The following MSI2 variants were observed in gnomAD, a reference collection of about 807,000 sequenced individuals.
MSI2 encodes the protein RNA-binding protein Musashi homolog 2.
A neutral mutation model predicts 45.6 loss-of-function variants in MSI2; 17 were observed. The ratio of observed to expected loss-of-function variants is 0.37; its 90% CI spans 0.26 to 0.56. The LOEUF is 0.56. MSI2 is among the 20% of genes least tolerant of loss of function. The pLI is 0.77. For synonymous variants in MSI2, 156 were observed against 158.2 expected (o/e 0.99, Z 0.11); for missense variants, 293 against 444.2 (o/e 0.66, Z 3.06).
At chr17:57,617,559 C>T (rs1406122731) in intron 9 of MSI2, among the ~76,000 whole-genome samples, 4 of 152,150 alleles carry the variant, frequency 2.6e-5, no homozygotes, top group Non-Finnish European at 5.9e-5. Flanking sequence ...CTTAGCTCCT[C>T]CTTTAAAAAA....
At chr17:57,502,602 G>GAT (rs57142800) in intron 6 of MSI2, among the ~76,000 whole-genome samples, 9,379 of 54,012 alleles carry the variant, frequency 0.17, 1,181 homozygotes, top group East Asian at 0.27. Context: ...ATGACTCTGA[G>GAT]ATATATATAT....
intron 5 of MSI2, among the ~76,000 whole-genome samples, chr17:57,324,260 G>A (rs550550325): frequency 2.4e-4 from 36 of 152,328 alleles, no homozygotes; most frequent in Middle Eastern, 3.4e-3. Context: ...GCGCCCCGCC[G>A]GAGCCCACAC....
rs375931489 is a variant in MSI2, at chr17:57,401,411, C to G, written c.345C>G (p.Gly115=). The change falls in exon 6 of 14, where the codon GGC becomes GGG. Residue 115 remains glycine (G), a synonymous_variant. Transcript: ENST00000284073. The stretch of plus-strand genomic sequence containing the variant: ...CAAGAACAAAGAAAATATTTGTAGG[C>G]GGGTTATCTGCGAACACAGTAGTGG... ...MVTRTKKIFV[G]GLSANTVVED... is the part of the protein sequence containing the mutation. The G allele has an allele frequency of 1.2e-6, 2 of 1,614,066 alleles. No individual in the cohort carries two copies. Among genetic ancestry groups the G allele is most frequent in the East Asian group, 4.5e-5 (2 of 44,884 alleles).
intron 4 of MSI2, chr17:57,260,199 G>A (rs1055009168): frequency 6.6e-6 from 1 of 152,120 alleles, no homozygotes; most frequent in Non-Finnish European, 1.5e-5. Flanking sequence ...ATAGTTGACA[G>A]GGATGTGCAA....
chr17:57,590,874 C>G (rs1236121615), intron 7 of MSI2, among the ~76,000 whole-genome samples: 2 of 152,198 alleles, frequency 1.3e-5, no homozygotes, highest in East Asian at 1.9e-4. Flanking sequence ...TGGGTCTCCT[C>G]TCCATCCTGG....
In MSI2 at chr17:57,616,033, C is replaced by A. The variant is rs772246662; in HGVS notation, c.601C>A (p.Arg201=). 4.3e-6 allele frequency: 7 copies of A among 1,614,142 alleles called. No homozygotes were observed. The highest frequency in any genetic ancestry group is 5.1e-6 in the Non-Finnish European group (6 of 1,180,018). ...CCCACCTGGGACAAGAGGCCGGGCC[C>A]GGGGACTGCCTTACACCATGGACGC... ...MFPPGTRGRA[R]GLPYTMDAFM... Residue 201 remains arginine, a synonymous_variant, in exon 9 of 14, where the codon CGG becomes AGG. Transcript: ENST00000284073.
intron 5 of MSI2, among the ~76,000 whole-genome samples, chr17:57,393,677 T>C (rs986090830): frequency 2.0e-5 from 3 of 151,932 alleles, no homozygotes; most frequent in Non-Finnish European, 4.4e-5. Flanking sequence ...TGTTTGTTTA[T>C]TTATTTATTT....
At chr17:57,647,804 G>A (rs972523170) in intron 10 of MSI2, among the ~76,000 whole-genome samples, 8 of 151,528 alleles carry the variant, frequency 5.3e-5, no homozygotes, top group Non-Finnish European at 2.9e-5. Context: ...ACCACACCCA[G>A]CTAATTTTTG....
intron 6 of MSI2, among the ~76,000 whole-genome samples, chr17:57,488,741 T>C (rs2085805155): frequency 1.3e-5 from 2 of 151,940 alleles, no homozygotes; most frequent in Admixed American, 1.3e-4. Context: ...GGAGAATCGC[T>C]TGAACCCAGG....
intron 6 of MSI2, among the ~76,000 whole-genome samples, chr17:57,475,721 G>A (rs2085524401): frequency 6.6e-6 from 1 of 151,960 alleles, no homozygotes; most frequent in Admixed American, 6.6e-5. Flanking sequence ...GGATTCCTTG[G>A]GAGTCCTTTC....
At chr17:57,518,705 G>C (rs1470421132) in intron 6 of MSI2, among the ~76,000 whole-genome samples, 1 of 152,124 alleles carries the variant, frequency 6.6e-6, no homozygotes, top group Non-Finnish European at 1.5e-5. Context: ...AGGCTGGAGA[G>C]GGGGAGAAGG....
intron 7 of MSI2, among the ~76,000 whole-genome samples, chr17:57,563,502 A>G (rs142948588): frequency 1.3e-5 from 2 of 152,292 alleles, no homozygotes; most frequent in African/African-American, 4.8e-5. Flanking sequence ...AGCTAGAACC[A>G]AGCTGGGAAG....
At chr17:57,314,294 A>T (rs1406171533) in intron 5 of MSI2, among the ~76,000 whole-genome samples, 2 of 152,190 alleles carry the variant, frequency 1.3e-5, no homozygotes, top group Non-Finnish European at 2.9e-5. Context: ...ATTTTGAAGT[A>T]CCAGGGCTTA....
intron 6 of MSI2, among the ~76,000 whole-genome samples, chr17:57,430,548 A>G (rs2143377302): frequency 6.6e-6 from 1 of 152,322 alleles, no homozygotes; most frequent in South Asian, 2.1e-4. Flanking sequence ...TCTCGTTAAT[A>G]TGCATGCCTC....
chr17:57,414,764 T>C (rs2084262978), intron 6 of MSI2, among the ~76,000 whole-genome samples: 1 of 152,146 alleles, frequency 6.6e-6, no homozygotes, highest in South Asian at 2.1e-4. Flanking sequence ...CATTTCCTTA[T>C]GTGAAACCCA....
intron 5 of MSI2, among the ~76,000 whole-genome samples, chr17:57,323,371 G>A (rs952143013): frequency 6.6e-6 from 1 of 152,234 alleles, no homozygotes; most frequent in Non-Finnish European, 1.5e-5. Flanking sequence ...ATCCATGCCT[G>A]AGAAGCACCT....
At chr17:57,497,954 A>G (rs1189196841) in intron 6 of MSI2, among the ~76,000 whole-genome samples, 1 of 152,196 alleles carries the variant, frequency 6.6e-6, no homozygotes, top group Non-Finnish European at 1.5e-5. Context: ...GGTAACAGAA[A>G]GTGGGAGCCA....
At position 57,684,445 on chromosome 17, in the gene MSI2, A is replaced by AT. The variant is rs34206920; in HGVS notation, c.*4928_*4929insT. ...TTTTTATATATATACATATATATGT[A>AT]CTATCTATATATATATCTCAAGCAT... On this transcript the variant is annotated 3_prime_UTR_variant, in exon 14 of 14. Transcript: ENST00000284073. The AT allele has an allele frequency of 0.53, 91,957 of 175,040 alleles. 25,591 individuals are homozygous for AT. The highest frequency in any genetic ancestry group is 0.72 in the African/African-American group (30,261 of 41,846). The allele number at this position is 175,040 out of a possible 1,614,324, so 10.8% of individuals were successfully genotyped here.
At chr17:57,413,011 A>G (rs929603768) in intron 6 of MSI2, among the ~76,000 whole-genome samples, 1 of 152,266 alleles carries the variant, frequency 6.6e-6, no homozygotes, top group African/African-American at 2.4e-5. Flanking sequence ...CATCCTGCTA[A>G]GAAACAGAGT....
Sources: allele counts gnomAD v4.1 joint callset (sites outside exome capture counted in the v4.1 genomes callset), GRCh38; gene constraint gnomAD v4.1.1; transcripts MANE v1.5; gene names NCBI Gene and HGNC (gene_info 2026-07-23, HGNC 2026-07-21).